GPC4: variants seen among roughly 807,000 people sequenced by gnomAD.
GPC4 encodes the protein glypican 4.
Under a neutral mutation model 35.0 loss-of-function variants are expected in GPC4, and 10 were observed. The ratio of observed to expected loss-of-function variants is 0.29; its 90% confidence interval spans 0.18 to 0.48. The LOEUF (loss-of-function observed/expected upper bound fraction) is 0.48, where lower values mean the gene tolerates loss of function less well. GPC4 is among the 20% of genes least tolerant of loss of function. The pLI is 0.99. For missense variants in GPC4, 322 were observed against 451.3 expected (o/e 0.71, Z 2.60); for synonymous variants, 167 against 170.2 (o/e 0.98, Z 0.15).
At chrX:133,347,874 T>C (rs945299477) in intron 1 of GPC4, among the ~76,000 whole-genome samples, 3 of 112,064 alleles carry the variant, frequency 2.7e-5, no homozygotes, top group Non-Finnish European at 5.6e-5. Context: ...TACTAATCAG[T>C]AGGAGAAATG....
At chrX:133,414,551 A>C in intron 1 of GPC4, 2 of 753,427 alleles carry the variant, frequency 2.7e-6, no homozygotes, top group Non-Finnish European at 3.1e-6. Flanking sequence ...GGAGCGCGAC[A>C]GTCGCACTGG....
intron 2 of GPC4, among the ~76,000 whole-genome samples, chrX:133,326,022 G>GT (rs11427613): frequency 0.39 from 39,529 of 100,449 alleles, 7,402 homozygotes; most frequent in African/African-American, 0.68. Context: ...TATGGCTTGT[G>GT]TTTTTTTTTT....
chrX:133,354,560 A>ATTTTTTTT, intron 1 of GPC4, among the ~76,000 whole-genome samples: 12 of 93,692 alleles, frequency 1.3e-4, no homozygotes, highest in African/African-American at 5.3e-4. Flanking sequence ...TTATTTATTT[A>ATTTTTTTT]TTTATTTATT....
chrX:133,397,820 G>A (rs952071689), intron 1 of GPC4, among the ~76,000 whole-genome samples: 3 of 112,062 alleles, frequency 2.7e-5, no homozygotes, highest in Non-Finnish European at 5.6e-5. Context: ...CAGCACTTTG[G>A]GAGGCCAAGG....
In GPC4 at chrX:133,415,041, T is replaced by C. The variant is rs2068832204; in HGVS notation, c.-76A>G. 2 of 1,041,448 alleles carry C rather than the reference T, an allele frequency of 1.9e-6. No homozygotes were observed. The highest frequency in any genetic ancestry group is 2.6e-6 in the Non-Finnish European group (2 of 766,899). 85.8% of individuals were successfully genotyped at this position (1,041,448 alleles called of 1,213,427 possible). A position where few individuals can be genotyped will look rare whatever the true frequency, so the allele number is the denominator to read the frequency against. On this transcript the variant is annotated 5_prime_UTR_variant, in exon 1 of 9. Coordinates refer to ENST00000370828, the MANE Select transcript of GPC4 (RefSeq NM_001448.3). Reference sequence around the variant, plus strand: ...GGCGCTACGGCAGCGGGCCGAGGGCTGGCGGAGTCGGGGACTAGCGAGTGG... The same window carrying C: ...GGCGCTACGGCAGCGGGCCGAGGGCCGGCGGAGTCGGGGACTAGCGAGTGG...
chrX:133,367,704 C>CA (rs2068595788), intron 1 of GPC4, among the ~76,000 whole-genome samples: 2 of 111,288 alleles, frequency 1.8e-5, no homozygotes, highest in Middle Eastern at 4.6e-3. Context: ...CCAGTCTCTA[C>CA]AAAAAATTAA....
chrX:133,379,047 T>A (rs2124165134), intron 1 of GPC4, among the ~76,000 whole-genome samples: 1 of 112,620 alleles, frequency 8.9e-6, no homozygotes, highest in African/African-American at 3.2e-5. Context: ...TGCTTTGGCA[T>A]TTCCTCAAAA....
chrX:133,390,355 C>A (rs2068713943), intron 1 of GPC4, among the ~76,000 whole-genome samples: 1 of 111,809 alleles, frequency 8.9e-6, no homozygotes, highest in Admixed American at 9.5e-5. Context: ...AACACATTAC[C>A]TATCTGGAAC....
chrX:133,324,475 T>A lies in GPC4; in HGVS notation c.381A>T (p.Thr127=). The stretch of plus-strand genomic sequence containing the variant: ...AATTTTGCATGTATAAATGGCCATA[T>A]GTCTTCACAAACATATCATTCAGGG... ...EKSLNDMFVK[T]YGHLYMQNSE... The change falls in exon 3 of 9, where the codon ACA becomes ACT. Residue 127 remains threonine (T), a synonymous_variant. Transcript: ENST00000370828. 8.3e-7 allele frequency: 1 copy of A among 1,199,636 alleles called. No homozygotes were observed. The highest frequency in any genetic ancestry group is 1.1e-6 in the Non-Finnish European group (1 of 889,638).
intron 1 of GPC4, among the ~76,000 whole-genome samples, chrX:133,399,160 C>A (rs2068757530): frequency 9.0e-6 from 1 of 111,722 alleles, no homozygotes; most frequent in Non-Finnish European, 1.9e-5. Flanking sequence ...CTTGAGCCAC[C>A]CACCAATCAA....
chrX:133,387,744 C>T (rs967730900), intron 1 of GPC4, among the ~76,000 whole-genome samples: 6 of 111,577 alleles, frequency 5.4e-5, no homozygotes, highest in East Asian at 2.8e-4. Context: ...AATCATACTT[C>T]GAAATGTTTG....
At chrX:133,389,363 G>T (rs748021289) in intron 1 of GPC4, among the ~76,000 whole-genome samples, 1 of 111,832 alleles carries the variant, frequency 8.9e-6, no homozygotes, top group African/African-American at 3.2e-5. Context: ...GCACACAGGA[G>T]ATATTTGATA....
Position 133,409,247 on chromosome X carries a change from T to C in GPC4, c.160+5559A>G, listed in dbSNP as rs926746263. On this transcript the variant is annotated intron_variant, in intron 1 of 8. Coordinates refer to ENST00000370828, the MANE Select transcript of GPC4 (RefSeq NM_001448.3). ...CTGAGGCAGGAGAATTGCTTGAGCC[T>C]GGGAGGCAGAGGTTGCGATGAGGCA... 5.2e-5 allele frequency among the ~76,000 whole-genome samples: 5 copies of C among 96,615 alleles called. No individual in the cohort carries two copies. The East Asian group carries it at 1.3e-3, about 26-fold the overall frequency. 83.9% of individuals were successfully genotyped at this position (96,615 alleles called of 115,157 possible).
chrX:133,316,283 A>G (rs1456345520), intron 3 of GPC4, among the ~76,000 whole-genome samples: 1 of 112,114 alleles, frequency 8.9e-6, no homozygotes, highest in East Asian at 2.8e-4. Context: ...ACAGATGAGG[A>G]AGTGGAGCCC....
chrX:133,349,097 A>G (rs985401516), intron 1 of GPC4, among the ~76,000 whole-genome samples: 14 of 112,352 alleles, frequency 1.2e-4, no homozygotes, highest in Admixed American at 9.4e-5. Context: ...TAGCTGGTAG[A>G]CCAAGGCCTT....
chrX:133,351,977 G>C (rs1446533498), intron 1 of GPC4, among the ~76,000 whole-genome samples: 1 of 111,970 alleles, frequency 8.9e-6, no homozygotes, highest in African/African-American at 3.2e-5. Flanking sequence ...CAAATGGCTT[G>C]GTCTCCGCCC....
At chrX:133,414,773 C>T (rs367760024) in intron 1 of GPC4, 33 bp downstream of exon 1, 24 of 1,200,107 alleles carry the variant, frequency 2.0e-5, no homozygotes, top group South Asian at 3.6e-5. Flanking sequence ...AAGTGTCGGT[C>T]TCTGCGCCCA....
At chrX:133,405,882 T>C (rs1438441620) in intron 1 of GPC4, among the ~76,000 whole-genome samples, 2 of 112,413 alleles carry the variant, frequency 1.8e-5, no homozygotes, top group African/African-American at 6.5e-5. Flanking sequence ...CATTCAATGA[T>C]TGCTGATAAT....
At chrX:133,312,687 A>G (rs374930928) in intron 3 of GPC4, among the ~76,000 whole-genome samples, 1 of 84,905 alleles carries the variant, frequency 1.2e-5, no homozygotes, top group African/African-American at 6.6e-5. Flanking sequence ...AAGAAAGAAA[A>G]AGAAAGAAAG....
Sources: allele counts gnomAD v4.1 joint callset (sites outside exome capture counted in the v4.1 genomes callset), GRCh38; gene constraint gnomAD v4.1.1; transcripts MANE v1.5; gene names NCBI Gene and HGNC (gene_info 2026-07-23, HGNC 2026-07-21).